The following TAP2 variants were observed in gnomAD, a reference collection of about 807,000 sequenced individuals.
The protein encoded by TAP2 is antigen peptide transporter 2.
In TAP2, 49 loss-of-function variants were observed where a neutral mutation model predicts 74.7. The observed-to-expected ratio is 0.66, with a 90% CI of 0.52 to 0.83. The LOEUF is 0.83. TAP2 is among the 40% of genes least tolerant of loss of function. The pLI, the probability that TAP2 is intolerant of heterozygous loss-of-function variation, is 0.00. For missense variants in TAP2, 739 were observed against 859.0 expected (o/e 0.86, Z 1.75); for synonymous variants, 306 against 368.4 (o/e 0.83, Z 1.94).
chr6:32,830,561 C>T, intron 8 of TAP2, 57 bp downstream of exon 8: 1 of 1,609,468 alleles, frequency 6.2e-7, no homozygotes, highest in Non-Finnish European at 8.5e-7. Flanking sequence ...CTGTGATGTC[C>T]AATTATGCAT....
At position 32,826,008 on chromosome 6, in the gene TAP2, G is replaced by A; in HGVS notation, c.*2898C>T. 1.0e-6 allele frequency: 1 copy of A among 985,398 alleles called. No individual in the cohort carries two copies. The highest frequency in any genetic ancestry group is 1.2e-6 in the Non-Finnish European group (1 of 829,916). The allele number at this position is 985,398 out of a possible 1,614,324, so 61.0% of individuals were successfully genotyped here. ...GTAGTAGTAGTAGTCTAATTCCTAA[G>A]AGTCCATGGAACTCTAGGTTCAAAA... is the stretch of plus-strand genomic sequence containing the variant. On this transcript the variant is annotated 3_prime_UTR_variant, in exon 12 of 12. Coordinates refer to ENST00000374897, the MANE Select transcript of TAP2 (RefSeq NM_001290043.2).
rs777245378 is a variant in TAP2 at position 32,830,140 on chromosome 6, G to C, written c.1636-51C>G. On this transcript the variant is annotated intron_variant, in intron 9 of 11. Coordinates refer to ENST00000374897, the MANE Select transcript of TAP2 (RefSeq NM_001290043.2). Reference sequence around the variant, plus strand: ...GACTATGTGTAAACCCCCAAGGCAGGGGCCCTTTTGTCCTCCCCACCTACC... The same window carrying C: ...GACTATGTGTAAACCCCCAAGGCAGCGGCCCTTTTGTCCTCCCCACCTACC... 7 of 1,612,638 alleles carry C rather than the reference G, an allele frequency of 4.3e-6. No individual in the cohort carries two copies. In the South Asian group the frequency reaches 6.6e-5, roughly 15 times the overall value.
intron 3 of TAP2, among the ~76,000 whole-genome samples, chr6:32,837,261 G>C (rs917310739): frequency 3.3e-5 from 5 of 152,142 alleles, no homozygotes; most frequent in Non-Finnish European, 7.4e-5. Context: ...AGACAACTGA[G>C]AGACATTCCA....
chr6:32,826,714 G>A lies in TAP2; in HGVS notation c.*2192C>T, dbSNP rs1050613138. The A allele has an allele frequency of 1.5e-5, 15 of 985,304 alleles. No homozygotes were observed. Among genetic ancestry groups the A allele is most frequent in the Non-Finnish European group, 1.7e-5 (14 of 829,938 alleles). 61.0% of individuals were successfully genotyped at this position (985,304 alleles called of 1,614,324 possible). ...CCACCCAGCTTTATCATGATTAGCT[G>A]CGTGATTTCATGTCAGTTTCTCTGT... On this transcript the variant is annotated 3_prime_UTR_variant, in exon 12 of 12. Transcript: ENST00000374897.
chr6:32,821,882 C>A, downstream of TAP2: 1 of 186,240 alleles, frequency 5.4e-6, no homozygotes, highest in Non-Finnish European at 1.1e-5. Context: ...AGAATTTTGC[C>A]AGCTCAAAAT....
chr6:32,831,866 T>A (rs1408952246), intron 7 of TAP2, among the ~76,000 whole-genome samples: 1 of 152,192 alleles, frequency 6.6e-6, no homozygotes. Flanking sequence ...ATAAACACAC[T>A]CATACACATA....
chr6:32,828,795 C>A lies in TAP2; in HGVS notation c.*111G>T. Reference sequence around the variant, plus strand: ...CGCACAGCTCTAGGGAAACTCAAAGCAGGAACAGCTCTGGGTCCTGGAGAC... The same window carrying A: ...CGCACAGCTCTAGGGAAACTCAAAGAAGGAACAGCTCTGGGTCCTGGAGAC... On this transcript the variant is annotated 3_prime_UTR_variant, in exon 12 of 12. Transcript: ENST00000374897. 7.4e-7 allele frequency: 1 copy of A among 1,356,840 alleles called. No individual in the cohort carries two copies. The highest frequency in any genetic ancestry group is 1.5e-5 in the South Asian group (1 of 67,078). 84.1% of individuals were successfully genotyped at this position (1,356,840 alleles called of 1,614,324 possible).
chr6:32,832,796 A>T lies in TAP2; in HGVS notation c.974T>A (p.Val325Glu), dbSNP rs970885401. 3 of 1,612,778 alleles carry T rather than the reference A, an allele frequency of 1.9e-6. No individual in the cohort carries two copies. Among genetic ancestry groups the T allele is most frequent in the Non-Finnish European group, 2.5e-6 (3 of 1,180,038 alleles). ...QEVLREIQDA[V>E]ARAGQVVREA... ...CCGCACCACCTGCCCCGCCCTGGCC[A>T]CTGCATCCTGGATCTCCCGAAGCAC... Residue 325 changes from valine (V) to glutamate (E), a missense_variant, in exon 6 of 12, where the codon GTG becomes GAG. Val to Glu is a moderately radical substitution (Grantham distance 121, BLOSUM62 -2). Transcript: ENST00000374897. This position sits in a 1 kb window ranked among gnomAD's most constrained non-coding sequence, Gnocchi z 5.9.
chr6:32,824,377 GTATCT>G (rs1333007428), downstream of TAP2, among the ~76,000 whole-genome samples: 1 of 152,048 alleles, frequency 6.6e-6, no homozygotes, highest in Non-Finnish European at 1.5e-5. Context: ...TTTGCTTTGT[GTATCT>G]TATATCTGGT....
Position 32,829,001 on chromosome 6 carries a change from C to T in TAP2, c.1966G>A (p.Val656Met), listed in dbSNP as rs753309241. 10 of 1,551,630 alleles carry T rather than the reference C, an allele frequency of 6.4e-6. No homozygotes were observed. The highest frequency in any genetic ancestry group is 1.4e-5 in the African/African-American group (1 of 73,174). Residue 656 changes from valine to methionine, a missense_variant, in exon 12 of 12, where the codon GTG becomes ATG. By Grantham distance (21) the Val-to-Met change is conservative. Transcript: ENST00000374897. ...TGCAGCCTGTGAGCAATCACCAGCACTGTGCGATCCCCACGGGAATTCCAG... is the reference window on the plus strand; with the variant it reads ...TGCAGCCTGTGAGCAATCACCAGCATTGTGCGATCCCCACGGGAATTCCAG... ...QDWNSRGDRT[V>M]LVIAHRLQTV...
intron 7 of TAP2, 108 bp from the exon 8 acceptor site, chr6:32,830,914 A>C: frequency 2.0e-6 from 2 of 983,604 alleles, no homozygotes; most frequent in South Asian, 2.7e-5. Flanking sequence ...CCTCCTCCAT[A>C]CTCAAAAGAG....
At chr6:32,825,034 T>C (rs1362663949), downstream of TAP2, among the ~76,000 whole-genome samples, 1 of 151,696 alleles carries the variant, frequency 6.6e-6, no homozygotes, top group African/African-American at 2.4e-5. Context: ...GTTACTTACA[T>C]GATAATATTA....
chr6:32,827,050 A>C lies in TAP2; in HGVS notation c.*1856T>G. The C allele has an allele frequency of 1.0e-6, 1 of 985,658 alleles. No homozygotes were observed. The highest frequency in any genetic ancestry group is 1.2e-6 in the Non-Finnish European group (1 of 829,956). The allele number at this position is 985,658 out of a possible 1,614,324, so 61.1% of individuals were successfully genotyped here. On this transcript the variant is annotated 3_prime_UTR_variant, in exon 12 of 12. Coordinates refer to ENST00000374897, the MANE Select transcript of TAP2 (RefSeq NM_001290043.2). ...TCAGCCCCAGGATGAAAGAAAGGCA[A>C]ATCTGCACAAGAAACTGCCCACTCT... is the stretch of plus-strand genomic sequence containing the variant.
At position 32,837,774 on chromosome 6, in the gene TAP2, C is replaced by A. The variant is rs1562339896; in HGVS notation, c.460G>T (p.Ala154Ser). ...GCAAGGACAAGGAAGAAGAAGGCGG[C>A]AACGAGGAGAGGCAGGTCCGGCCTG... ...LSRPDLPLLV[A>S]AFFFLVLAVL... is the part of the protein sequence containing the mutation. Residue 154 changes from alanine (A) to serine (S), a missense_variant, in exon 2 of 12, where the codon GCC becomes TCC. By Grantham distance (99) the Ala-to-Ser change is moderately conservative. Transcript: ENST00000374897. 1.2e-6 allele frequency: 2 copies of A among 1,614,196 alleles called. No individual in the cohort carries two copies. Among genetic ancestry groups the A allele is most frequent in the African/African-American group, 1.3e-5 (1 of 75,050 alleles).
At chr6:32,837,514 G>A (rs778230103) in intron 3 of TAP2, 23 bp downstream of exon 3, 7 of 1,602,764 alleles carry the variant, frequency 4.4e-6, no homozygotes, top group East Asian at 2.2e-5. Flanking sequence ...GCTAGCAAAT[G>A]GACCCAGCTG....
In TAP2 at chr6:32,827,707, G is replaced by C. The variant is rs934477139; in HGVS notation, c.*1199C>G. The C allele has an allele frequency of 3.1e-6, 3 of 954,602 alleles. No individual in the cohort carries two copies. The African/African-American group carries it at 5.3e-5, about 17-fold the overall frequency. The allele number at this position is 954,602 out of a possible 1,614,324, so 59.1% of individuals were successfully genotyped here. ...TGTCGTGGAGCTGGATACAACAGGAGAGGGTGAGACAGATGGGCTGGAACA... is the reference window on the plus strand; with the variant it reads ...TGTCGTGGAGCTGGATACAACAGGACAGGGTGAGACAGATGGGCTGGAACA... On this transcript the variant is annotated 3_prime_UTR_variant, in exon 12 of 12. Coordinates refer to ENST00000374897, the MANE Select transcript of TAP2 (RefSeq NM_001290043.2).
In TAP2 at chr6:32,837,852, CCTT is replaced by C; in HGVS notation, c.379_381del (p.Lys127del). 6.2e-7 allele frequency: 1 copy of C among 1,613,516 alleles called. No individual in the cohort carries two copies. The highest frequency in any genetic ancestry group is 8.5e-7 in the Non-Finnish European group (1 of 1,179,992). On this transcript the variant is annotated inframe_deletion, in exon 2 of 12. Coordinates refer to ENST00000374897, the MANE Select transcript of TAP2 (RefSeq NM_001290043.2). The stretch of plus-strand genomic sequence containing the variant: ...ACTTTGTTGTTCACCTGGTCCTGCT[CCTT>C]CTCCTGGGCTCCAGGAGGGCTCAGA...
At chr6:32,838,600 C>T (rs1360406972) in intron 1 of TAP2, 53 bp downstream of exon 1, 1 of 250,152 alleles carries the variant, frequency 4.0e-6, no homozygotes, top group Non-Finnish European at 7.6e-6. Context: ...AGTGGGTAGT[C>T]ACTTGGGCTG....
In TAP2 at chr6:32,827,863, C is replaced by G; in HGVS notation, c.*1043G>C. The G allele has an allele frequency of 1.2e-6, 1 of 865,550 alleles. No homozygotes were observed. The highest frequency in any genetic ancestry group is 1.3e-6 in the Non-Finnish European group (1 of 751,786). The allele number at this position is 865,550 out of a possible 1,614,324, so 53.6% of individuals were successfully genotyped here. A position where few individuals can be genotyped will look rare whatever the true frequency, so the allele number is the denominator to read the frequency against. ...GTGAAGAATGGCCGGAAGAGGGAAG[C>G]TAATGGTAGAGAAACCTCTCTGGTG... On this transcript the variant is annotated 3_prime_UTR_variant, in exon 12 of 12. Coordinates refer to ENST00000374897, the MANE Select transcript of TAP2 (RefSeq NM_001290043.2).
Sources: allele counts gnomAD v4.1 joint callset (sites outside exome capture counted in the v4.1 genomes callset), GRCh38; gene constraint gnomAD v4.1.1; non-coding constraint Gnocchi (gnomAD v3.1); transcripts MANE v1.5; gene names NCBI Gene and HGNC (gene_info 2026-07-23, HGNC 2026-07-21).